RPGRIP1L: variants seen among roughly 807,000 people sequenced by gnomAD.
The protein encoded by RPGRIP1L is RPGRIP1 like, also known as protein fantom.
In RPGRIP1L, 131 loss-of-function variants were observed where a neutral mutation model predicts 160.4. That is an observed-to-expected ratio of 0.82 (90% CI 0.71 to 0.94). The LOEUF (loss-of-function observed/expected upper bound fraction) is 0.94, where lower values mean the gene tolerates loss of function less well. Among genes scored for constraint, RPGRIP1L ranks in the 40% least tolerant of loss-of-function variants. RPGRIP1L has a pLI of 0.00. For missense variants in RPGRIP1L, 1,522 were observed against 1,535.8 expected (o/e 0.99, Z 0.15); for synonymous variants, 510 against 515.8 (o/e 0.99, Z 0.15).
chr16:53,619,276 C>T, intron 23 of RPGRIP1L, 68 bp from the exon 24 acceptor site: 1 of 1,408,476 alleles, frequency 7.1e-7, no homozygotes, highest in South Asian at 1.2e-5. Flanking sequence ...TCCACTATTA[C>T]TTTCCACTAT....
In RPGRIP1L at chr16:53,663,335, T is replaced by C. The variant is rs141809709; in HGVS notation, c.1243+1535A>G. Among the ~76,000 whole-genome samples, 791 of 152,136 alleles carry C rather than the reference T, an allele frequency of 5.2e-3. 3 individuals carry two copies. The highest frequency in any genetic ancestry group is 9.7e-3 in the Non-Finnish European group (658 of 67,926). Reference sequence around the variant, plus strand: ...AGGTCTAACAAAAAAACCAAGATTTTACCCCCCTTAAGAAAAGCTTCTTTG... The same window carrying C: ...AGGTCTAACAAAAAAACCAAGATTTCACCCCCCTTAAGAAAAGCTTCTTTG... On this transcript the variant is annotated intron_variant, in intron 10 of 26. Transcript: ENST00000647211.
chr16:53,684,798 C>T (rs1969876028), intron 6 of RPGRIP1L, among the ~76,000 whole-genome samples: 1 of 150,704 alleles, frequency 6.6e-6, no homozygotes, highest in South Asian at 2.1e-4. Flanking sequence ...AGCATATAGG[C>T]ATGGGCAAAG....
chr16:53,673,247 G>C (rs1233437385), intron 7 of RPGRIP1L, among the ~76,000 whole-genome samples: 1 of 152,196 alleles, frequency 6.6e-6, no homozygotes, highest in Non-Finnish European at 1.5e-5. Flanking sequence ...TCTTAGCATA[G>C]AGTCACATAT....
chr16:53,659,625 A>G (rs1408999011), intron 10 of RPGRIP1L: 1 of 152,294 alleles, frequency 6.6e-6, no homozygotes, highest in Non-Finnish European at 1.5e-5. Context: ...GCTTATGCCT[A>G]TAATCTCAGC....
intron 24 of RPGRIP1L, among the ~76,000 whole-genome samples, chr16:53,612,402 C>A (rs1165728946): frequency 6.6e-6 from 1 of 151,494 alleles, no homozygotes; most frequent in Non-Finnish European, 1.5e-5. Context: ...GCCAAAAAGT[C>A]ATGCTAACAG....
intron 22 of RPGRIP1L, among the ~76,000 whole-genome samples, chr16:53,625,424 G>A (rs192428603): frequency 0.06 from 8,789 of 146,882 alleles, 337 homozygotes; most frequent in Middle Eastern, 0.17. Context: ...CGCCCCGTCT[G>A]GGGGGTGGGG....
chr16:53,639,284 ACTT>A (rs1966053937), intron 19 of RPGRIP1L, among the ~76,000 whole-genome samples: 2 of 152,092 alleles, frequency 1.3e-5, no homozygotes, highest in East Asian at 1.9e-4. Flanking sequence ...TACCTATTAA[ACTT>A]CTTAGATTTC....
rs773361667 is a variant in RPGRIP1L, at chr16:53,602,121, G to T, written c.3903C>A (p.Ala1301=). Residue 1301 remains alanine (A), a synonymous_variant, in exon 27 of 27, where the codon GCC becomes GCA. Coordinates refer to ENST00000647211, the MANE Select transcript of RPGRIP1L (RefSeq NM_015272.5). ...TGTATTGCTTGTAGACAGACTGGAG[G>T]GCATGGAGAGCTTCGACTGTTACCC... is the stretch of plus-strand genomic sequence containing the variant. ...KLRVTVEALH[A]LQSVYKQYRD... is the part of the protein sequence containing the mutation. 1 of 1,613,830 alleles carries T rather than the reference G, an allele frequency of 6.2e-7. No homozygotes were observed.
At chr16:53,695,260 C>A in intron 3 of RPGRIP1L, 1 of 686,420 alleles carries the variant, frequency 1.5e-6, no homozygotes, top group Non-Finnish European at 2.6e-6. Context: ...AGGAATCAGG[C>A]AAGTGAGTCA....
At chr16:53,679,869 T>C (rs1275292518) in intron 6 of RPGRIP1L, among the ~76,000 whole-genome samples, 1 of 152,180 alleles carries the variant, frequency 6.6e-6, no homozygotes, top group Non-Finnish European at 1.5e-5. Flanking sequence ...CATTTCAATC[T>C]AATCATTTTA....
At chr16:53,702,401 TC>T (rs998566357) in intron 1 of RPGRIP1L, among the ~76,000 whole-genome samples, 4 of 152,208 alleles carry the variant, frequency 2.6e-5, no homozygotes, top group African/African-American at 9.7e-5. Context: ...TAATGAATTA[TC>T]CAGCCCAAAA....
At chr16:53,679,269 G>A (rs184697595) in intron 6 of RPGRIP1L, among the ~76,000 whole-genome samples, 1 of 152,262 alleles carries the variant, frequency 6.6e-6, no homozygotes, top group African/African-American at 2.4e-5. Flanking sequence ...CTCAGTGGAA[G>A]GGTACTCCCA....
intron 22 of RPGRIP1L, chr16:53,635,303 C>T (rs1325629825): frequency 6.6e-6 from 1 of 152,034 alleles, no homozygotes; most frequent in Non-Finnish European, 1.5e-5. Context: ...AGATTGGATG[C>T]TGTTATTGTA....
chr16:53,647,469 T>C (rs545841277), intron 16 of RPGRIP1L, among the ~76,000 whole-genome samples: 135 of 152,358 alleles, frequency 8.9e-4, no homozygotes, highest in African/African-American at 3.2e-3. Flanking sequence ...ACCTTCGCTG[T>C]TTAACATGGT....
intron 6 of RPGRIP1L, among the ~76,000 whole-genome samples, chr16:53,684,022 C>T (rs1431748455): frequency 6.6e-6 from 1 of 152,122 alleles, no homozygotes; most frequent in Non-Finnish European, 1.5e-5. Context: ...AAACCCGAAA[C>T]TACAAAAACT....
At chr16:53,649,740 T>A (rs1465599991) in intron 15 of RPGRIP1L, among the ~76,000 whole-genome samples, 2 of 152,150 alleles carry the variant, frequency 1.3e-5, no homozygotes, top group African/African-American at 4.8e-5. Flanking sequence ...TCTGTGTGGC[T>A]CCCAGGAGAG....
intron 10 of RPGRIP1L, among the ~76,000 whole-genome samples, chr16:53,664,077 G>A (rs1968036481): frequency 6.6e-6 from 1 of 152,176 alleles, no homozygotes; most frequent in African/African-American, 2.4e-5. Context: ...CTTAGCACAT[G>A]ACTCGGTTTA....
Position 53,622,278 on chromosome 16 carries a change from C to A in RPGRIP1L, c.3373G>T (p.Asp1125Tyr), listed in dbSNP as rs866468122. The change falls in exon 23 of 27, where the codon GAT becomes TAT. Residue 1125 changes from aspartate to tyrosine, a missense_variant. Asp to Tyr is a radical substitution (Grantham distance 160). Coordinates refer to ENST00000647211, the MANE Select transcript of RPGRIP1L (RefSeq NM_015272.5). ...HCNFRLPGSS[D>Y]FPASASQVDG... is the part of the protein sequence containing the mutation. ...ACTTGGGAGGCTGAGGCAGGAAAATCGCTGGAACCCGGGAGGCGGAAGTTG... is the reference window on the plus strand; with the variant it reads ...ACTTGGGAGGCTGAGGCAGGAAAATAGCTGGAACCCGGGAGGCGGAAGTTG... 1.6e-5 allele frequency: 10 copies of A among 643,916 alleles called. No homozygotes were observed. The highest frequency in any genetic ancestry group is 2.3e-5 in the Non-Finnish European group (8 of 352,484). 39.9% of individuals were successfully genotyped at this position (643,916 alleles called of 1,614,324 possible).
At chr16:53,695,471 T>C in intron 3 of RPGRIP1L, 2 of 702,782 alleles carry the variant, frequency 2.8e-6, no homozygotes, top group South Asian at 3.0e-5. Flanking sequence ...AGAACATAAA[T>C]ATGAATACAG....
Sources: gnomAD v4.1 joint callset for allele counts (sites outside exome capture counted in the v4.1 genomes callset) on GRCh38, gnomAD v4.1.1 for gene constraint, MANE v1.5 for transcripts, NCBI Gene and HGNC (gene_info 2026-07-23, HGNC 2026-07-21) for gene names.